NRK: variants seen among roughly 807,000 people sequenced by gnomAD.
NRK encodes the protein Nik related kinase, also known as nik-related protein kinase.
A neutral mutation model predicts 125.2 loss-of-function variants in NRK; 67 were observed. That is an observed-to-expected ratio of 0.54 (90% confidence interval 0.44 to 0.66). The LOEUF (loss-of-function observed/expected upper bound fraction) is 0.66, where lower values mean the gene tolerates loss of function less well. Ranked by LOEUF, NRK falls within the 30% of genes least tolerant of loss-of-function variation. The probability of loss-of-function intolerance (pLI) is 0.00; values close to 1 mark genes in which losing one functional copy is unlikely to be tolerated. For missense variants in NRK, 1,224 were observed against 1,192.9 expected, an observed-to-expected ratio of 1.03 and a Z score of -0.38; for synonymous variants, 458 against 429.0, an observed-to-expected ratio of 1.07 and a Z score of -0.84.
intron 19 of NRK, among the ~76,000 whole-genome samples, chrX:105,932,312 A>C (rs2040605826): frequency 8.9e-6 from 1 of 111,827 alleles, no homozygotes; most frequent in Admixed American, 9.5e-5. Context: ...TATCTGTTTG[A>C]GTCCCTGCTT....
At chrX:105,898,544 C>A (rs2040114568) in intron 7 of NRK, 40 bp from the exon 8 acceptor site, 4 of 1,151,474 alleles carry the variant, frequency 3.5e-6, no homozygotes, top group Non-Finnish European at 4.7e-6. Flanking sequence ...AAGCTTTTTT[C>A]TCCTGATTGA....
chrX:105,931,382 C>A (rs764531643), intron 19 of NRK, among the ~76,000 whole-genome samples: 1 of 111,837 alleles, frequency 8.9e-6, no homozygotes, highest in Non-Finnish European at 1.9e-5. Context: ...AAATGCACAA[C>A]TTTTGCTCCT....
intron 4 of NRK, among the ~76,000 whole-genome samples, chrX:105,886,687 A>AT (rs1252853837): frequency 4.7e-5 from 5 of 107,055 alleles, no homozygotes; most frequent in African/African-American, 6.7e-5. Context: ...CCCCTTACAT[A>AT]TTTTATTAGT....
At chrX:105,879,887 C>A (rs2039863634) in intron 2 of NRK, among the ~76,000 whole-genome samples, 1 of 110,333 alleles carries the variant, frequency 9.1e-6, no homozygotes, top group Admixed American at 9.7e-5. Context: ...CCATGCAAAC[C>A]TAGATTAAAG....
intron 22 of NRK, among the ~76,000 whole-genome samples, chrX:105,938,211 G>A (rs1442931149): frequency 1.8e-5 from 2 of 111,350 alleles, no homozygotes; most frequent in Non-Finnish European, 3.8e-5. Context: ...CTGACTATAG[G>A]CAAAAGATGA....
chrX:105,915,826 T>G, intron 15 of NRK, 29 bp downstream of exon 15: 4 of 772,498 alleles, frequency 5.2e-6, no homozygotes, highest in Non-Finnish European at 7.8e-6. Context: ...TATATTAAAA[T>G]TATTCATAAT....
intron 19 of NRK, among the ~76,000 whole-genome samples, chrX:105,930,581 G>C (rs748732671): frequency 1.8e-5 from 2 of 110,616 alleles, no homozygotes; most frequent in African/African-American, 6.6e-5. Context: ...TTTCTTTTCT[G>C]TTGGGTCTGC....
At position 105,934,291 on chromosome X, in the gene NRK, A is replaced by G; in HGVS notation, c.3346A>G (p.Ile1116Val). ...PGGGNEASNAIDSGAAPSAPD... is the reference protein window; with the variant it reads ...PGGGNEASNAVDSGAAPSAPD... ...TGGTGGAAATGAGGCCTCAAATGCC[A>G]TTGACTCAGGTGCTGCACCGTCAGC... Residue 1116 changes from isoleucine (I) to valine (V), a missense_variant, in exon 20 of 29, where the codon ATT becomes GTT. Coordinates refer to ENST00000243300, the MANE Select transcript of NRK (RefSeq NM_198465.4). 1.7e-6 allele frequency: 2 copies of G among 1,181,387 alleles called. No homozygotes were observed. Among genetic ancestry groups the G allele is most frequent in the Non-Finnish European group, 2.3e-6 (2 of 881,011 alleles).
chrX:105,926,559 ATTC>A (rs769479109), intron 19 of NRK, among the ~76,000 whole-genome samples: 9 of 110,562 alleles, frequency 8.1e-5, no homozygotes, highest in Non-Finnish European at 1.1e-4. Context: ...CTTTGGTCCT[ATTC>A]TTTTTTCCCA....
rs1380269835 is a variant in NRK, at chrX:105,958,525, T to C, written c.*2925T>C. On this transcript the variant is annotated 3_prime_UTR_variant, in exon 29 of 29. Transcript: ENST00000243300. ...TGAAATCAAATTAATTTGTATTCAA[T>C]GTGTACTTCAAGACTGCTAATTGTT... The C allele has an allele frequency of 8.9e-6, 1 of 112,337 alleles. No individual in the cohort carries two copies. Among genetic ancestry groups the C allele is most frequent in the Non-Finnish European group, 1.9e-5 (1 of 53,259 alleles). 9.3% of individuals were successfully genotyped at this position (112,337 alleles called of 1,213,427 possible).
At chrX:105,870,836 C>A (rs745436013) in intron 2 of NRK, among the ~76,000 whole-genome samples, 3 of 111,596 alleles carry the variant, frequency 2.7e-5, no homozygotes, top group African/African-American at 9.8e-5. Context: ...TAAGCATGAC[C>A]ATGACTGTCC....
At chrX:105,886,098 G>A (rs1334145237) in intron 4 of NRK, among the ~76,000 whole-genome samples, 1 of 109,574 alleles carries the variant, frequency 9.1e-6, no homozygotes, top group East Asian at 2.9e-4. Flanking sequence ...GTACCTCGGT[G>A]ATCTCATCTA....
In NRK at chrX:105,924,981, G is replaced by T; in HGVS notation, c.3262G>T (p.Gly1088Cys). The T allele has an allele frequency of 8.3e-7, 1 of 1,210,930 alleles. No homozygotes were observed. Among genetic ancestry groups the T allele is most frequent in the South Asian group, 1.8e-5 (1 of 56,966 alleles). Residue 1088 changes from glycine to cysteine, a missense_variant, in exon 19 of 29, where the codon GGT (glycine) becomes TGT (cysteine). Gly to Cys is a radical substitution (Grantham distance 159). Coordinates refer to ENST00000243300, the MANE Select transcript of NRK (RefSeq NM_198465.4). ...NGEENCSETD[G>C]PGLKRPASQD... The stretch of plus-strand genomic sequence containing the variant: ...AGAAGAAAATTGCTCAGAGACAGAT[G>T]GTCCAGGATTGAAGAGACCTGCGTC...
intron 2 of NRK, among the ~76,000 whole-genome samples, chrX:105,860,787 A>G (rs1453154624): frequency 2.7e-5 from 3 of 111,173 alleles, no homozygotes; most frequent in African/African-American, 9.8e-5. Context: ...ATGTCGTAGT[A>G]TGAATCAGGA....
chrX:105,954,815 G>A (rs1444096702), intron 28 of NRK, among the ~76,000 whole-genome samples: 7 of 111,581 alleles, frequency 6.3e-5, no homozygotes, highest in Non-Finnish European at 1.1e-4. Flanking sequence ...CTAAGCCACT[G>A]GGTTTAACTC....
intron 11 of NRK, among the ~76,000 whole-genome samples, chrX:105,906,791 G>C (rs1349320865): frequency 2.8e-5 from 3 of 108,400 alleles, no homozygotes; most frequent in African/African-American, 1.0e-4. Context: ...GTGTGTGTGT[G>C]TGTGTGTGTG....
At chrX:105,947,853 C>A (rs2040837100) in intron 26 of NRK, among the ~76,000 whole-genome samples, 1 of 112,056 alleles carries the variant, frequency 8.9e-6, no homozygotes, top group Non-Finnish European at 1.9e-5. Context: ...ATTGTCAGGA[C>A]ATTAGTGGGG....
Position 105,924,788 on chromosome X carries a change from A to G in NRK, c.3069A>G (p.Thr1023=). The change falls in exon 19 of 29, where the codon ACA becomes ACG. Residue 1023 remains threonine (T), a synonymous_variant. Transcript: ENST00000243300. ...CCTACAGAGGCTATGGAAGCCATAC[A>G]GCCAATAGAAGCCATGGAGGAAGTG... The part of the protein sequence containing the change: ...EEAYRGYGSH[T]ANRSHGGSAA... 8.3e-7 allele frequency: 1 copy of G among 1,208,897 alleles called. No individual in the cohort carries two copies. The highest frequency in any genetic ancestry group is 1.1e-6 in the Non-Finnish European group (1 of 893,717).
intron 19 of NRK, 48 bp downstream of exon 19, chrX:105,925,079 T>C: frequency 1.1e-6 from 1 of 920,503 alleles, no homozygotes; most frequent in Non-Finnish European, 1.5e-6. Flanking sequence ...ATTGCGAATG[T>C]GTTTCTTCAT....
Sources: allele counts gnomAD v4.1 joint callset (sites outside exome capture counted in the v4.1 genomes callset), GRCh38; gene constraint gnomAD v4.1.1; transcripts MANE v1.5; gene names NCBI Gene and HGNC (gene_info 2026-07-23, HGNC 2026-07-21).